Variants in KCNAB1 observed in about 807,000 individuals in gnomAD.
KCNAB1 encodes voltage-gated potassium channel subunit beta-1.
KCNAB1 carries 35 observed loss-of-function variants against 64.6 expected under a neutral mutation model. The observed-to-expected ratio is 0.54, with a 90% CI of 0.41 to 0.72. The LOEUF (loss-of-function observed/expected upper bound fraction) is 0.72. Among genes scored for constraint, KCNAB1 ranks in the 30% least tolerant of loss-of-function variants. The pLI is 0.00. For synonymous variants in KCNAB1, 177 were observed against 183.8 expected (o/e 0.96, Z 0.30); for missense variants, 401 against 512.9 (o/e 0.78, Z 2.11).
intron 1 of KCNAB1, among the ~76,000 whole-genome samples, chr3:156,135,693 T>C (rs1474569964): frequency 1.3e-5 from 2 of 152,214 alleles, no homozygotes; most frequent in Non-Finnish European, 2.9e-5. Flanking sequence ...ATTTTAGGCT[T>C]GCTTTTGTAG....
At chr3:156,126,530 C>G (rs561860164) in intron 1 of KCNAB1, among the ~76,000 whole-genome samples, 38 of 152,280 alleles carry the variant, frequency 2.5e-4, no homozygotes, top group Non-Finnish European at 8.8e-5. Flanking sequence ...TCTTGGGTAT[C>G]AAATGCAGGT....
chr3:156,505,575 C>T (rs1716782073), intron 8 of KCNAB1, among the ~76,000 whole-genome samples: 1 of 152,076 alleles, frequency 6.6e-6, no homozygotes, highest in African/African-American at 2.4e-5. Context: ...TCTTCAATTT[C>T]TTTCATCAGT....
At chr3:156,482,646 C>A (rs968039387) in intron 8 of KCNAB1, among the ~76,000 whole-genome samples, 1 of 152,020 alleles carries the variant, frequency 6.6e-6, no homozygotes, top group East Asian at 1.9e-4. Context: ...CTTTCTGTTA[C>A]GAGCCAATTG....
At chr3:156,494,180 C>G (rs991975222) in intron 8 of KCNAB1, among the ~76,000 whole-genome samples, 1 of 152,066 alleles carries the variant, frequency 6.6e-6, no homozygotes, top group African/African-American at 2.4e-5. Context: ...GATTGGCATT[C>G]TGCTGTAAAA....
At chr3:156,477,954 C>T (rs74657798) in intron 8 of KCNAB1, among the ~76,000 whole-genome samples, 1 of 152,240 alleles carries the variant, frequency 6.6e-6, no homozygotes, top group African/African-American at 2.4e-5. Context: ...TAAAGTTGTA[C>T]ATGTACAATG....
At chr3:156,161,689 G>A (rs1042328003) in intron 1 of KCNAB1, among the ~76,000 whole-genome samples, 4 of 152,176 alleles carry the variant, frequency 2.6e-5, no homozygotes, top group African/African-American at 9.7e-5. Context: ...TGCATAATCT[G>A]TGAAGGCTGG....
At chr3:156,358,400 C>T (rs1725398482) in intron 1 of KCNAB1, among the ~76,000 whole-genome samples, 1 of 152,136 alleles carries the variant, frequency 6.6e-6, no homozygotes, top group African/African-American at 2.4e-5. Context: ...GTGCTCTGAG[C>T]CATGCTGAGA....
intron 12 of KCNAB1, among the ~76,000 whole-genome samples, chr3:156,530,055 T>G (rs1362362411): frequency 6.6e-6 from 1 of 152,186 alleles, no homozygotes; most frequent in Admixed American, 6.5e-5. Flanking sequence ...TGGACTGACC[T>G]TTTAGAAGTT....
intron 1 of KCNAB1, among the ~76,000 whole-genome samples, chr3:156,271,994 AAAG>A (rs1719065563): frequency 6.6e-6 from 1 of 152,224 alleles, no homozygotes; most frequent in South Asian, 2.1e-4. Flanking sequence ...ATAAGATCTA[AAAG>A]AATACTCTGA....
At chr3:156,178,454 C>A (rs1163757509) in intron 1 of KCNAB1, among the ~76,000 whole-genome samples, 2 of 152,184 alleles carry the variant, frequency 1.3e-5, no homozygotes, top group East Asian at 3.9e-4. Context: ...GACAGAGATG[C>A]CCAGAAGCCT....
chr3:156,525,381 TA>T (rs1209717974), intron 12 of KCNAB1, among the ~76,000 whole-genome samples: 1 of 152,042 alleles, frequency 6.6e-6, no homozygotes, highest in Admixed American at 6.6e-5. Flanking sequence ...AAAAAAAGTT[TA>T]AAAAGCTAAA....
intron 1 of KCNAB1, among the ~76,000 whole-genome samples, chr3:156,162,013 C>A (rs112540610): frequency 2.0e-5 from 3 of 152,140 alleles, no homozygotes; most frequent in Non-Finnish European, 4.4e-5. Context: ...TTCTTAAATA[C>A]GACAGGGTTT....
At chr3:156,454,838 C>A (rs1376503220) in intron 3 of KCNAB1, among the ~76,000 whole-genome samples, 1 of 152,162 alleles carries the variant, frequency 6.6e-6, no homozygotes, top group Non-Finnish European at 1.5e-5. Flanking sequence ...TGCATTATTT[C>A]CCCCTAGTCT....
intron 1 of KCNAB1, among the ~76,000 whole-genome samples, chr3:156,231,132 T>G (rs895994372): frequency 3.9e-5 from 6 of 152,214 alleles, no homozygotes; most frequent in Middle Eastern, 3.2e-3. Flanking sequence ...TATTCAAGAC[T>G]TGCATCATTT....
chr3:156,416,562 A>C (rs749207464), intron 1 of KCNAB1, among the ~76,000 whole-genome samples: 20 of 152,158 alleles, frequency 1.3e-4, no homozygotes, highest in Admixed American at 2.6e-4. Context: ...TGAGGGTCCC[A>C]ATTTTGTATT....
chr3:156,302,006 G>A (rs1721183337), intron 1 of KCNAB1, among the ~76,000 whole-genome samples: 2 of 152,140 alleles, frequency 1.3e-5, no homozygotes. Context: ...TAATTCTGGA[G>A]GTCCAAAGTC....
In KCNAB1 at chr3:156,279,972, T is replaced by C. The variant is rs1283916207; in HGVS notation, c.276-141644T>C. On this transcript the variant is annotated intron_variant, in intron 1 of 13. Coordinates refer to ENST00000490337, the MANE Select transcript of KCNAB1 (RefSeq NM_172160.3). ...GCTGTGCAGAAGCTCTTTAGTTTAA[T>C]TAGATCCCATTAGTCAATTTTGGCT... Among the ~76,000 whole-genome samples, 3 of 150,488 alleles carry C rather than the reference T, an allele frequency of 2.0e-5. No individual in the cohort carries two copies. The East Asian group carries it at 5.8e-4, about 29-fold the overall frequency.
intron 1 of KCNAB1, among the ~76,000 whole-genome samples, chr3:156,154,775 G>A (rs1715619339): frequency 1.3e-5 from 2 of 152,160 alleles, no homozygotes; most frequent in Non-Finnish European, 2.9e-5. Context: ...GGTAGTCAGT[G>A]CTGCTGGGAC....
intron 2 of KCNAB1, among the ~76,000 whole-genome samples, chr3:156,432,582 C>A (rs899320763): frequency 2.0e-5 from 3 of 152,196 alleles, no homozygotes; most frequent in African/African-American, 7.2e-5. Flanking sequence ...TGAGCAATGG[C>A]TAAATTGGAG....
Sources: allele counts gnomAD v4.1 joint callset (sites outside exome capture counted in the v4.1 genomes callset), GRCh38; gene constraint gnomAD v4.1.1; transcripts MANE v1.5; gene names NCBI Gene and HGNC (gene_info 2026-07-23, HGNC 2026-07-21).